The following LIPI variants were observed in gnomAD, a reference collection of about 807,000 sequenced individuals.
The protein encoded by LIPI is lipase member I.
LIPI carries 59 observed loss-of-function variants against 50.6 expected under a neutral mutation model. The observed-to-expected ratio is 1.16, with a 90% confidence interval of 0.94 to 1.45. LIPI has a LOEUF of 1.45. Among genes scored for constraint, LIPI ranks in the 40% most tolerant of loss-of-function variants. The probability of loss-of-function intolerance (pLI) is 0.00; values close to 1 mark genes in which losing one functional copy is unlikely to be tolerated. For missense variants in LIPI, 586 were observed against 536.3 expected, an observed-to-expected ratio of 1.09 and a Z score of -0.92; for synonymous variants, 203 against 178.2, an observed-to-expected ratio of 1.14 and a Z score of -1.11.
chr21:14,165,297 C>T lies in LIPI; in HGVS notation c.827G>A (p.Arg276His), dbSNP rs146076683. ...TNCNFISFPC[R>H]SYKDYKTSLC... ...GCTAGTCTTGTAATCTTTGTATGAA[C>T]GACAAGGAAATGAAATAAAATTGCA... Residue 276 changes from arginine to histidine, a missense_variant, in exon 6 of 10, where the codon CGT (arginine) becomes CAT (histidine). Coordinates refer to ENST00000681601, the MANE Select transcript of LIPI (RefSeq NM_001302998.2). 233 of 1,611,900 alleles carry T rather than the reference C, an allele frequency of 1.4e-4. No homozygotes were observed. The highest frequency in any genetic ancestry group is 1.2e-3 in the South Asian group (105 of 91,020).
intron 4 of LIPI, among the ~76,000 whole-genome samples, chr21:14,181,078 A>C (rs1286829987): frequency 1.3e-5 from 2 of 152,186 alleles, no homozygotes; most frequent in African/African-American, 4.8e-5. Context: ...GTTGTTATCT[A>C]TCTAACGGAA....
At chr21:14,113,233 C>A (rs1347213431) in intron 9 of LIPI, among the ~76,000 whole-genome samples, 1 of 152,170 alleles carries the variant, frequency 6.6e-6, no homozygotes, top group East Asian at 1.9e-4. Context: ...GGAAAATGGA[C>A]CCATATGAGG....
Position 14,181,802 on chromosome 21 carries a change from TA to T in LIPI, c.598del (p.Tyr200ThrfsTer17). ...SRKPPYSRLDYTDAKFVDVIH... is the reference protein window; with the variant it reads ...SRKPPYSRLDXTDAKFVDVIH... ...GACATCCACAAACTTTGCATCCGTG[TA>T]ATCTAATCTGCTATATGGTGGTTTT... On this transcript the variant is annotated frameshift_variant, in exon 4 of 10. Transcript: ENST00000681601. LOFTEE classifies it high-confidence loss of function. 1 of 1,612,620 alleles carries T rather than the reference TA, an allele frequency of 6.2e-7. No homozygotes were observed. Among genetic ancestry groups the T allele is most frequent in the Non-Finnish European group, 8.5e-7 (1 of 1,178,880 alleles).
At chr21:14,111,447 T>C (rs979895340) in intron 9 of LIPI, among the ~76,000 whole-genome samples, 22 of 152,142 alleles carry the variant, frequency 1.4e-4, no homozygotes, top group African/African-American at 5.3e-4. Context: ...ATTTGTTTTC[T>C]TGATATTGAG....
At chr21:14,161,981 G>T (rs192657219) in intron 7 of LIPI, among the ~76,000 whole-genome samples, 139 of 142,410 alleles carry the variant, frequency 9.8e-4, no homozygotes, top group South Asian at 9.4e-3. Flanking sequence ...TTCCCTGGAG[G>T]TTCATCCCTG....
chr21:14,109,687 T>C (rs984967969), intron 9 of LIPI, among the ~76,000 whole-genome samples: 6 of 152,174 alleles, frequency 3.9e-5, no homozygotes, highest in Admixed American at 2.6e-4. Flanking sequence ...TAGCATAGCA[T>C]TGAATTATCT....
At chr21:14,159,488 G>A (rs907488194) in intron 7 of LIPI, among the ~76,000 whole-genome samples, 2 of 151,232 alleles carry the variant, frequency 1.3e-5, no homozygotes, top group African/African-American at 4.8e-5. Context: ...TAGGAATAGA[G>A]GGGAACTAAC....
intron 3 of LIPI, among the ~76,000 whole-genome samples, 189 bp from the exon 4 acceptor site, chr21:14,182,048 A>G (rs1235053930): frequency 6.6e-6 from 1 of 152,230 alleles, no homozygotes; most frequent in Non-Finnish European, 1.5e-5. Flanking sequence ...GAATAATACT[A>G]CTAACCTTCA....
intron 9 of LIPI, among the ~76,000 whole-genome samples, chr21:14,127,498 A>G (rs2122976870): frequency 6.6e-6 from 1 of 152,314 alleles, no homozygotes; most frequent in Non-Finnish European, 1.5e-5. Context: ...TTCATAGTTT[A>G]TCCATGTTTA....
intron 7 of LIPI, among the ~76,000 whole-genome samples, chr21:14,159,534 G>C (rs2018390428): frequency 6.6e-6 from 1 of 151,096 alleles, no homozygotes; most frequent in Non-Finnish European, 1.5e-5. Flanking sequence ...AAAACTATAA[G>C]TCACATCACA....
At chr21:14,163,223 C>G (rs1304691345) in intron 7 of LIPI, among the ~76,000 whole-genome samples, 196 bp downstream of exon 7, 1 of 151,670 alleles carries the variant, frequency 6.6e-6, no homozygotes, top group Admixed American at 6.6e-5. Context: ...AAATATTACC[C>G]AAGCGTCTCT....
At chr21:14,125,496 A>G (rs1456677622) in intron 9 of LIPI, among the ~76,000 whole-genome samples, 1 of 152,222 alleles carries the variant, frequency 6.6e-6, no homozygotes. Flanking sequence ...AAACGGAACA[A>G]AGGACAGATG....
chr21:14,191,286 A>T (rs1331307130), intron 1 of LIPI, among the ~76,000 whole-genome samples: 1 of 149,640 alleles, frequency 6.7e-6, no homozygotes, highest in Non-Finnish European at 1.5e-5. Flanking sequence ...CTGAGGCAGG[A>T]GAATGGCGGG....
intron 9 of LIPI, among the ~76,000 whole-genome samples, chr21:14,119,766 G>C (rs1012562029): frequency 6.6e-6 from 1 of 152,166 alleles, no homozygotes; most frequent in Non-Finnish European, 1.5e-5. Flanking sequence ...TAGGGTCATG[G>C]TATTGGCCTG....
chr21:14,110,668 C>G (rs567397756), intron 9 of LIPI, among the ~76,000 whole-genome samples: 22 of 151,746 alleles, frequency 1.4e-4, no homozygotes, highest in Non-Finnish European at 2.4e-4. Context: ...AACCATGGTT[C>G]TACTCTCTGC....
At chr21:14,195,023 A>G (rs548084353) in intron 1 of LIPI, among the ~76,000 whole-genome samples, 1 of 152,292 alleles carries the variant, frequency 6.6e-6, no homozygotes, top group Non-Finnish European at 1.5e-5. Flanking sequence ...TTTGAACCCT[A>G]TAAACTCATA....
chr21:14,172,581 T>C (rs1000571987), intron 4 of LIPI, among the ~76,000 whole-genome samples: 6 of 151,526 alleles, frequency 4.0e-5, no homozygotes, highest in African/African-American at 1.2e-4. Context: ...ATGGATGAAA[T>C]TGGAAATCAT....
intron 7 of LIPI, among the ~76,000 whole-genome samples, chr21:14,153,190 T>A (rs2018158336): frequency 6.6e-6 from 1 of 152,314 alleles, no homozygotes; most frequent in Admixed American, 6.5e-5. Flanking sequence ...TTGCCTTTAC[T>A]AAACTTTGGT....
chr21:14,155,380 T>C (rs1294544110), intron 7 of LIPI, among the ~76,000 whole-genome samples: 1 of 151,766 alleles, frequency 6.6e-6, no homozygotes, highest in Non-Finnish European at 1.5e-5. Context: ...GCTATTAGAG[T>C]GTCAGAAAGA....
Sources: gnomAD v4.1 joint callset for allele counts (sites outside exome capture counted in the v4.1 genomes callset) on GRCh38, gnomAD v4.1.1 for gene constraint, MANE v1.5 for transcripts, NCBI Gene and HGNC (gene_info 2026-07-23, HGNC 2026-07-21) for gene names.